The following LRRFIP2 variants were observed in gnomAD, a reference collection of about 807,000 sequenced individuals.
LRRFIP2 encodes the protein leucine-rich repeat flightless-interacting protein 2.
A neutral mutation model predicts 125.9 loss-of-function variants in LRRFIP2; 109 were observed. The observed-to-expected ratio is 0.87, with a 90% CI of 0.74 to 1.01. The LOEUF is 1.01. Among genes scored for constraint, LRRFIP2 ranks in the 50% least tolerant of loss-of-function variants. The pLI is 0.00. For missense variants in LRRFIP2, 850 were observed against 862.3 expected (o/e 0.99, Z 0.18); for synonymous variants, 291 against 293.1 (o/e 0.99, Z 0.07).
At chr3:37,142,252 C>T (rs1264255545) in intron 2 of LRRFIP2, among the ~76,000 whole-genome samples, 1 of 151,554 alleles carries the variant, frequency 6.6e-6, no homozygotes, top group Admixed American at 6.6e-5. Flanking sequence ...AATCCTCCCA[C>T]CTCAGCCTCC....
intron 24 of LRRFIP2, among the ~76,000 whole-genome samples, chr3:37,062,556 A>T (rs2089067008): frequency 6.6e-6 from 1 of 152,234 alleles, no homozygotes; most frequent in Non-Finnish European, 1.5e-5. Flanking sequence ...AGAGAGAAAG[A>T]GAATAGGATA....
chr3:37,151,147 T>A (rs1272636590), intron 1 of LRRFIP2, among the ~76,000 whole-genome samples: 1 of 152,038 alleles, frequency 6.6e-6, no homozygotes, highest in African/African-American at 2.4e-5. Context: ...TCACAGGAGA[T>A]CAGGAGTTCA....
At chr3:37,146,885 A>T (rs2095868037) in intron 2 of LRRFIP2, among the ~76,000 whole-genome samples, 1 of 152,218 alleles carries the variant, frequency 6.6e-6, no homozygotes, top group Admixed American at 6.5e-5. Context: ...TAAACTAAAG[A>T]GCTTCTGTAA....
intron 1 of LRRFIP2, among the ~76,000 whole-genome samples, chr3:37,161,540 TC>T (rs1389946974): frequency 2.0e-5 from 3 of 152,110 alleles, no homozygotes; most frequent in Non-Finnish European, 4.4e-5. Context: ...ACTAGTGCTT[TC>T]CACAAAGTCT....
rs1451246405 is a variant in LRRFIP2, at chr3:37,121,624, T to C, written c.285+11A>G. ...AAAGTATTAGAGGCAAGTGTATAGG[T>C]TATTACAAACCAGATAAGGACGATG... On this transcript the variant is annotated intron_variant, in intron 5 of 27. Coordinates refer to ENST00000336686, the MANE Select transcript of LRRFIP2 (RefSeq NM_006309.4). The C allele has an allele frequency of 3.1e-6, 5 of 1,614,112 alleles. No homozygotes were observed. Among genetic ancestry groups the C allele is most frequent in the Non-Finnish European group, 4.2e-6 (5 of 1,179,990 alleles).
At chr3:37,141,198 C>T (rs2095688869) in intron 2 of LRRFIP2, among the ~76,000 whole-genome samples, 1 of 152,132 alleles carries the variant, frequency 6.6e-6, no homozygotes, top group African/African-American at 2.4e-5. Flanking sequence ...CTGCCTTCTA[C>T]CTTCTACCAC....
At chr3:37,054,644 C>A in intron 26 of LRRFIP2, 129 bp from the exon 27 acceptor site, 1 of 649,164 alleles carries the variant, frequency 1.5e-6, no homozygotes, top group Admixed American at 2.7e-5. Flanking sequence ...AAGGGTGACT[C>A]ATAAGTCCTC....
chr3:37,103,893 G>A (rs956624791), intron 14 of LRRFIP2, among the ~76,000 whole-genome samples: 1 of 151,760 alleles, frequency 6.6e-6, no homozygotes, highest in Admixed American at 6.6e-5. Context: ...CTTAACACAG[G>A]GCTTTGAATA....
intron 17 of LRRFIP2, among the ~76,000 whole-genome samples, chr3:37,094,374 A>G (rs2093620377): frequency 6.6e-6 from 1 of 152,226 alleles, no homozygotes; most frequent in Non-Finnish European, 1.5e-5. Flanking sequence ...TTCTATTACT[A>G]TGAAAAACTG....
chr3:37,080,156 T>C (rs1407796167), intron 19 of LRRFIP2, among the ~76,000 whole-genome samples: 2 of 152,112 alleles, frequency 1.3e-5, no homozygotes, highest in Non-Finnish European at 2.9e-5. Context: ...TCCCAGCACT[T>C]TGGGAGGCCG....
chr3:37,068,003 T>G (rs1481354196), intron 21 of LRRFIP2: 1 of 152,244 alleles, frequency 6.6e-6, no homozygotes, highest in Admixed American at 6.5e-5. Flanking sequence ...CAAACTGCAA[T>G]GTCAATATCT....
Position 37,160,366 on chromosome 3 carries a change from T to A in LRRFIP2, c.-55-11328A>T, listed in dbSNP as rs545818417. 2.0e-5 allele frequency among the ~76,000 whole-genome samples: 3 copies of A among 152,238 alleles called. No homozygotes were observed. In the East Asian group the frequency reaches 5.8e-4, roughly 29 times the overall value. ...GTGAAAACCCACTAACTCAGAAGAA[T>A]AACTTAGTGAAAATAAACTACGCAG... On this transcript the variant is annotated intron_variant, in intron 1 of 27. Coordinates refer to ENST00000336686, the MANE Select transcript of LRRFIP2 (RefSeq NM_006309.4).
intron 21 of LRRFIP2, among the ~76,000 whole-genome samples, chr3:37,069,712 T>C (rs1435327648): frequency 2.6e-5 from 4 of 152,364 alleles, no homozygotes; most frequent in African/African-American, 4.8e-5. Context: ...GTAAATTTTA[T>C]GTTATTTGTA....
intron 4 of LRRFIP2, among the ~76,000 whole-genome samples, chr3:37,123,573 G>C (rs2095158437): frequency 6.6e-6 from 1 of 152,146 alleles, no homozygotes; most frequent in Non-Finnish European, 1.5e-5. Context: ...TATCAACCAC[G>C]AAAGTTTTGG....
intron 1 of LRRFIP2, among the ~76,000 whole-genome samples, chr3:37,159,531 C>A (rs2096278641): frequency 6.6e-6 from 1 of 151,686 alleles, no homozygotes; most frequent in South Asian, 2.1e-4. Flanking sequence ...TTTTTTTTGA[C>A]AGAGTCTCGC....
intron 1 of LRRFIP2, among the ~76,000 whole-genome samples, chr3:37,165,343 T>C (rs1560162232): frequency 6.6e-6 from 1 of 151,294 alleles, no homozygotes; most frequent in African/African-American, 2.4e-5. Flanking sequence ...GATGAAATGG[T>C]TTCATCCCGA....
Position 37,094,867 on chromosome 3 carries a change from A to T in LRRFIP2, c.960T>A (p.Ser320Arg), listed in dbSNP as rs1559813143. ...RNSASATTPL[S>R]GNSSRRGSGD... ...CACTTCCTCGTCTGGATGAGTTTCC[A>T]CTTAGAGGGGTTGTTGCTGAGGCAG... is the stretch of plus-strand genomic sequence containing the variant. Residue 320 changes from serine (S) to arginine (R), a missense_variant, in exon 17 of 28, where the codon AGT (serine) becomes AGA (arginine). Physicochemically the swap from Ser to Arg is moderately radical, Grantham distance 110. Coordinates refer to ENST00000336686, the MANE Select transcript of LRRFIP2 (RefSeq NM_006309.4). 1 of 1,613,896 alleles carries T rather than the reference A, an allele frequency of 6.2e-7. No homozygotes were observed. Among genetic ancestry groups the T allele is most frequent in the Non-Finnish European group, 8.5e-7 (1 of 1,179,830 alleles).
At chr3:37,116,204 A>C (rs182928351) in intron 6 of LRRFIP2, among the ~76,000 whole-genome samples, 8 of 152,232 alleles carry the variant, frequency 5.3e-5, no homozygotes, top group Admixed American at 5.2e-4. Flanking sequence ...AGTTCACCGC[A>C]ACATCGAACT....
chr3:37,107,814 G>C (rs927977142), intron 13 of LRRFIP2, among the ~76,000 whole-genome samples: 3 of 152,116 alleles, frequency 2.0e-5, no homozygotes, highest in Admixed American at 6.5e-5. Context: ...CTACACAAAT[G>C]AAAATTAAAT....
Sources: allele counts gnomAD v4.1 joint callset (sites outside exome capture counted in the v4.1 genomes callset), GRCh38; gene constraint gnomAD v4.1.1; transcripts MANE v1.5; gene names NCBI Gene and HGNC (gene_info 2026-07-23, HGNC 2026-07-21).